Variants in KIAA1217 observed in about 807,000 individuals in gnomAD.
The protein encoded by KIAA1217 is KIAA1217.
KIAA1217 carries 88 observed loss-of-function variants against 163.9 expected under a neutral mutation model. The ratio of observed to expected loss-of-function variants is 0.54; its 90% confidence interval spans 0.45 to 0.64. The LOEUF is 0.64. KIAA1217 is among the 30% of genes least tolerant of loss of function. The pLI is 0.00. For synonymous variants in KIAA1217, 903 were observed against 923.1 expected, an observed-to-expected ratio of 0.98 and a Z score of 0.39; for missense variants, 2,372 against 2,475.0, an observed-to-expected ratio of 0.96 and a Z score of 0.88.
chr10:24,248,710 C>G (rs2074137112), intron 2 of KIAA1217, among the ~76,000 whole-genome samples: 1 of 147,384 alleles, frequency 6.8e-6, no homozygotes, highest in Admixed American at 6.9e-5. Context: ...TCCCTCATAC[C>G]TAAACCTTAC....
chr10:23,706,505 C>T (rs1836896371), intron 1 of KIAA1217, among the ~76,000 whole-genome samples: 1 of 151,872 alleles, frequency 6.6e-6, no homozygotes, highest in Admixed American at 6.6e-5. Context: ...TTTTGAAATG[C>T]TTTTTCTGTA....
intron 1 of KIAA1217, among the ~76,000 whole-genome samples, chr10:23,979,652 C>T (rs1328752010): frequency 6.6e-6 from 1 of 152,172 alleles, no homozygotes; most frequent in Non-Finnish European, 1.5e-5. Context: ...TGACCCTTCA[C>T]AGGTGAGGTG....
chr10:24,520,639 A>T (rs1465349918), intron 11 of KIAA1217, among the ~76,000 whole-genome samples: 2 of 56,654 alleles, frequency 3.5e-5, no homozygotes, highest in African/African-American at 1.6e-4. Context: ...AAAAAAAAAA[A>T]AAAAAAAAAA....
At chr10:24,308,057 T>C (rs959767903) in intron 2 of KIAA1217, among the ~76,000 whole-genome samples, 7 of 152,322 alleles carry the variant, frequency 4.6e-5, no homozygotes, top group East Asian at 1.9e-4. Context: ...CCTAAGATAA[T>C]TGAGTGCAAT....
At chr10:24,027,259 C>T (rs1847994126) in intron 2 of KIAA1217, among the ~76,000 whole-genome samples, 1 of 152,068 alleles carries the variant, frequency 6.6e-6, no homozygotes. Context: ...GCACTATGAC[C>T]TGGAAACTCT....
At chr10:24,537,974 C>T (rs186848909) in intron 17 of KIAA1217, among the ~76,000 whole-genome samples, 1 of 152,312 alleles carries the variant, frequency 6.6e-6, no homozygotes, top group African/African-American at 2.4e-5. Context: ...TCCATCTAAA[C>T]TTCAGGATAA....
rs139371117 is a variant in KIAA1217, at chr10:23,725,528, G to T, written c.-321+30294G>T. On this transcript the variant is annotated intron_variant, in intron 1 of 18. Transcript: ENST00000376462. ...GTTATTTTCCTGAGGGTAACATTATGATTGCATTCATGTATCAGATCTATG... is the reference window on the plus strand; with the variant it reads ...GTTATTTTCCTGAGGGTAACATTATTATTGCATTCATGTATCAGATCTATG... 9.4e-3 allele frequency among the ~76,000 whole-genome samples: 1,439 copies of T among 152,282 alleles called. 21 individuals are homozygous for T. The highest frequency in any genetic ancestry group is 0.033 in the African/African-American group (1,368 of 41,564).
At chr10:24,439,820 C>T (rs1453819839) in intron 5 of KIAA1217, among the ~76,000 whole-genome samples, 13 of 152,110 alleles carry the variant, frequency 8.5e-5, no homozygotes, top group Admixed American at 8.5e-4. Flanking sequence ...GACATTGAGC[C>T]TCCCTGATCC....
At chr10:24,137,248 C>T (rs973212299) in intron 2 of KIAA1217, among the ~76,000 whole-genome samples, 2 of 152,206 alleles carry the variant, frequency 1.3e-5, no homozygotes, top group African/African-American at 4.8e-5. Flanking sequence ...CTGCTGTTGG[C>T]AAGACCCATA....
chr10:23,853,870 T>A (rs1839498143), intron 1 of KIAA1217, among the ~76,000 whole-genome samples: 12 of 152,204 alleles, frequency 7.9e-5, no homozygotes, highest in Admixed American at 7.9e-4. Flanking sequence ...ATCCCCTTTA[T>A]CATTTTTTAT....
At chr10:24,279,531 A>G (rs1208135312) in intron 2 of KIAA1217, among the ~76,000 whole-genome samples, 1 of 152,168 alleles carries the variant, frequency 6.6e-6, no homozygotes, top group African/African-American at 2.4e-5. Context: ...AAGGGACTGA[A>G]GGATTTTTGC....
At chr10:24,391,325 CTTTCTTTCTTT>C (rs2054912441) in intron 3 of KIAA1217, among the ~76,000 whole-genome samples, 3 of 55,788 alleles carry the variant, frequency 5.4e-5, no homozygotes, top group Admixed American at 1.6e-4. Context: ...CTGTTTCTTT[CTTTCTTTCTTT>C]TTTTTTTTTT....
At chr10:23,850,770 G>A (rs183913819) in intron 1 of KIAA1217, among the ~76,000 whole-genome samples, 1 of 152,244 alleles carries the variant, frequency 6.6e-6, no homozygotes, top group Admixed American at 6.6e-5. Flanking sequence ...TCTGCAAGCT[G>A]TACAGGAAGC....
chr10:24,436,361 G>A (rs1250238010), intron 4 of KIAA1217, among the ~76,000 whole-genome samples: 4 of 151,694 alleles, frequency 2.6e-5, no homozygotes, highest in East Asian at 1.9e-4. Context: ...CATGCATGTC[G>A]CTTCCAAAGA....
At chr10:23,802,152 C>A (rs1836497367) in intron 1 of KIAA1217, among the ~76,000 whole-genome samples, 2 of 152,066 alleles carry the variant, frequency 1.3e-5, no homozygotes, top group African/African-American at 4.8e-5. Context: ...AGATGAAGGG[C>A]AGATACATGA....
intron 2 of KIAA1217, among the ~76,000 whole-genome samples, chr10:24,245,130 T>A (rs1590184996): frequency 6.6e-6 from 1 of 152,128 alleles, no homozygotes; most frequent in South Asian, 2.1e-4. Flanking sequence ...TATATGGCGG[T>A]CTAACTTCGC....
rs534288706 is a variant in KIAA1217, at chr10:24,053,902, C to G, written c.-171+46528C>G. Among the ~76,000 whole-genome samples, 87 of 152,162 alleles carry G rather than the reference C, an allele frequency of 5.7e-4. 1 individual carries two copies. Among genetic ancestry groups the G allele is most frequent in the African/African-American group, 2.0e-3 (84 of 41,520 alleles). ...TGAGAAAGGAAGCATCATAATAGACCATGTTGGTTGCATTTAGGAAACAGC... is the reference window on the plus strand; with the variant it reads ...TGAGAAAGGAAGCATCATAATAGACGATGTTGGTTGCATTTAGGAAACAGC... On this transcript the variant is annotated intron_variant, in intron 2 of 18. Transcript: ENST00000376462.
At chr10:24,299,241 T>C (rs1352465470) in intron 2 of KIAA1217, among the ~76,000 whole-genome samples, 1 of 152,172 alleles carries the variant, frequency 6.6e-6, no homozygotes, top group Non-Finnish European at 1.5e-5. Flanking sequence ...GTTCTTTAGA[T>C]TATTTTGAGC....
intron 1 of KIAA1217, among the ~76,000 whole-genome samples, chr10:23,780,187 G>T (rs576888108): frequency 3.7e-4 from 56 of 152,258 alleles, no homozygotes; most frequent in Admixed American, 3.7e-3. Flanking sequence ...ATGATGTTTT[G>T]ATATACTTGT....
Sources: allele counts gnomAD v4.1 joint callset (sites outside exome capture counted in the v4.1 genomes callset), GRCh38; gene constraint gnomAD v4.1.1; transcripts MANE v1.5; gene names NCBI Gene and HGNC (gene_info 2026-07-23, HGNC 2026-07-21).